The following GAPVD1 variants were observed in gnomAD, a reference collection of about 807,000 sequenced individuals.
The protein encoded by GAPVD1 is GTPase-activating protein and VPS9 domain-containing protein 1.
Under a neutral mutation model 155.5 loss-of-function variants are expected in GAPVD1, and 35 were observed. The observed-to-expected ratio is 0.23, with a 90% CI of 0.17 to 0.30. The LOEUF (loss-of-function observed/expected upper bound fraction) is 0.30. Among genes scored for constraint, GAPVD1 ranks in the 10% least tolerant of loss-of-function variants. GAPVD1 has a pLI of 1.00. For missense variants in GAPVD1, 1,429 were observed against 1,775.7 expected (o/e 0.80, Z 3.51); for synonymous variants, 636 against 619.7 (o/e 1.03, Z -0.39).
chr9:125,279,798 A>T (rs1454456376), intron 2 of GAPVD1, among the ~76,000 whole-genome samples: 2 of 147,746 alleles, frequency 1.4e-5, no homozygotes, highest in Non-Finnish European at 3.0e-5. Flanking sequence ...TCTTGGTGCG[A>T]TGTTCAGGCT....
chr9:125,339,910 A>G (rs1847593607), intron 17 of GAPVD1, among the ~76,000 whole-genome samples: 1 of 152,184 alleles, frequency 6.6e-6, no homozygotes, highest in African/African-American at 2.4e-5. Context: ...TAGGGTTCTG[A>G]TAATTCTTTA....
Position 125,332,512 on chromosome 9 carries a change from A to C in GAPVD1, c.2311A>C (p.Ile771Leu), listed in dbSNP as rs763582207. ...TTTTTTACTATTGTTTTTTAAAGGC[A>C]TAAGTGCAACCTCTGAGGATATTCC... ...STPGLSVVSG[I>L]SATSEDIPNK... The change falls in exon 15 of 28, where the codon ATA becomes CTA. Residue 771 changes from isoleucine (I) to leucine (L), a missense_variant and splice_region_variant. By Grantham distance (5) the Ile-to-Leu change is conservative (BLOSUM62 2). This residue lies in a region of GAPVD1 where 699 missense variants were observed against 826.0 expected (regional missense o/e 0.85). Transcript: ENST00000297933. 2 of 1,589,950 alleles carry C rather than the reference A, an allele frequency of 1.3e-6. No homozygotes were observed. The highest frequency in any genetic ancestry group is 1.7e-6 in the Non-Finnish European group (2 of 1,168,420).
chr9:125,317,179 G>A (rs59976483), intron 9 of GAPVD1, among the ~76,000 whole-genome samples: 3,271 of 151,710 alleles, frequency 0.022, 121 homozygotes, highest in African/African-American at 0.075. Flanking sequence ...TTAGCCAGGC[G>A]TGGTGGTGTG....
chr9:125,348,172 C>T (rs1589088175), intron 20 of GAPVD1, among the ~76,000 whole-genome samples: 1 of 152,276 alleles, frequency 6.6e-6, no homozygotes, highest in East Asian at 1.9e-4. Flanking sequence ...CCTCCCATCT[C>T]AGCTTCCTGA....
Position 125,362,788 on chromosome 9 carries a change from C to G in GAPVD1, c.*42C>G, listed in dbSNP as rs1301655251. The stretch of plus-strand genomic sequence containing the variant: ...CCAAGGCAGCAGACTGTTAATCAGA[C>G]AAACAGATCTCTGAGAAGGTGCATC... On this transcript the variant is annotated 3_prime_UTR_variant, in exon 28 of 28. Transcript: ENST00000297933. The G allele has an allele frequency of 4.4e-6, 7 of 1,587,978 alleles. No individual in the cohort carries two copies. In the South Asian group the frequency reaches 8.0e-5, roughly 18 times the overall value.
chr9:125,293,593 G>A (rs1451676131), intron 2 of GAPVD1, among the ~76,000 whole-genome samples: 2 of 57,080 alleles, frequency 3.5e-5, no homozygotes, highest in African/African-American at 1.5e-4. Flanking sequence ...GGGATGACAG[G>A]CAGCTGCCAC....
At chr9:125,317,580 G>A (rs1486857372) in intron 9 of GAPVD1, among the ~76,000 whole-genome samples, 1 of 147,818 alleles carries the variant, frequency 6.8e-6, no homozygotes, top group Non-Finnish European at 1.5e-5. Flanking sequence ...AGCTGAGATT[G>A]TGCTGTTGTA....
intron 17 of GAPVD1, among the ~76,000 whole-genome samples, chr9:125,338,731 G>A (rs1847382718): frequency 6.6e-6 from 1 of 152,122 alleles, no homozygotes; most frequent in South Asian, 2.1e-4. Context: ...CATTTCTACA[G>A]TGTTCATTTG....
At chr9:125,285,217 A>G (rs1588644018) in intron 2 of GAPVD1, among the ~76,000 whole-genome samples, 1 of 152,294 alleles carries the variant, frequency 6.6e-6, no homozygotes, top group East Asian at 1.9e-4. Context: ...CTTCATTCCA[A>G]TACAACTTTT....
chr9:125,338,748 T>C (rs1032580713), intron 17 of GAPVD1, among the ~76,000 whole-genome samples: 1 of 152,218 alleles, frequency 6.6e-6, no homozygotes, highest in African/African-American at 2.4e-5. Context: ...TTTGGATAAT[T>C]TGAGGAAATG....
intron 9 of GAPVD1, among the ~76,000 whole-genome samples, 193 bp from the exon 10 acceptor site, chr9:125,321,240 G>A (rs1292060818): frequency 6.6e-6 from 1 of 152,160 alleles, no homozygotes; most frequent in Non-Finnish European, 1.5e-5. Flanking sequence ...TAATGGAAAG[G>A]CATGGCTTCA....
chr9:125,347,579 T>A (rs1029437361), intron 20 of GAPVD1, among the ~76,000 whole-genome samples: 10 of 151,886 alleles, frequency 6.6e-5, no homozygotes, highest in Non-Finnish European at 5.9e-5. Context: ...TACAAAAAAT[T>A]AGCTGCAAGT....
intron 19 of GAPVD1, 145 bp from the exon 20 acceptor site, chr9:125,346,674 A>G (rs143815750): frequency 1.2e-3 from 849 of 730,094 alleles, no homozygotes; most frequent in Non-Finnish European, 1.7e-3. Flanking sequence ...AGGCAGCTGC[A>G]TGGTGCCTCT....
At chr9:125,342,195 C>T (rs770362732) in intron 18 of GAPVD1, 24 bp from the exon 19 acceptor site, 13 of 1,175,726 alleles carry the variant, frequency 1.1e-5, no homozygotes, top group Non-Finnish European at 1.5e-5. Context: ...ATATGTCACA[C>T]TACTGACTTT....
chr9:125,307,531 G>A lies in GAPVD1; in HGVS notation c.1235G>A (p.Ser412Asn). Reference protein sequence around the residue: ...LSRTVVYITYSQLITLVNFMK... With the variant: ...LSRTVVYITYNQLITLVNFMK... The stretch of plus-strand genomic sequence containing the variant: ...AGAACTGTGGTTTATATAACCTACA[G>A]TCAGCTTATTACTCTGGTAATGGCT... Residue 412 changes from serine (S) to asparagine (N), a missense_variant, in exon 7 of 28, where the codon AGT (serine) becomes AAT (asparagine). Physicochemically the swap from Ser to Asn is conservative, Grantham distance 46. This residue lies in a region of GAPVD1 where 628 missense variants were observed against 733.4 expected (regional missense o/e 0.86). Transcript: ENST00000297933. 3 of 1,611,486 alleles carry A rather than the reference G, an allele frequency of 1.9e-6. No homozygotes were observed. Among genetic ancestry groups the A allele is most frequent in the Non-Finnish European group, 2.5e-6 (3 of 1,178,632 alleles).
Position 125,366,761 on chromosome 9 carries a change from G to A in GAPVD1, c.*4015G>A, listed in dbSNP as rs1851489492. ...ATTTTAGAATGTAGGTTAGAAAGTA[G>A]TAGGACAAGGAATAGCTTTATTACT... On this transcript the variant is annotated 3_prime_UTR_variant, in exon 28 of 28. Transcript: ENST00000297933. 1 of 152,212 alleles carries A rather than the reference G, an allele frequency of 6.6e-6. No homozygotes were observed. Among genetic ancestry groups the A allele is most frequent in the Non-Finnish European group, 1.5e-5 (1 of 68,038 alleles). The allele number at this position is 152,212 out of a possible 1,614,324, so 9.4% of individuals were successfully genotyped here.
At chr9:125,342,704 AT>A (rs1847986567) in intron 19 of GAPVD1, among the ~76,000 whole-genome samples, 2 of 152,218 alleles carry the variant, frequency 1.3e-5, no homozygotes, top group South Asian at 2.1e-4. Flanking sequence ...AGAATTCTAC[AT>A]TTATTTTCAT....
chr9:125,353,408 C>T (rs983930681), intron 23 of GAPVD1, among the ~76,000 whole-genome samples: 15 of 152,304 alleles, frequency 9.8e-5, no homozygotes, highest in East Asian at 1.9e-4. Context: ...TCCATACTTT[C>T]CCACATTTTC....
At chr9:125,326,236 G>A (rs149963688) in intron 11 of GAPVD1, among the ~76,000 whole-genome samples, 180 bp from the exon 12 acceptor site, 310 of 152,324 alleles carry the variant, frequency 2.0e-3, no homozygotes, top group Admixed American at 5.2e-3. Context: ...TGAATTGATA[G>A]GCCAGGCACA....
Sources: gnomAD v4.1 joint callset for allele counts (sites outside exome capture counted in the v4.1 genomes callset) on GRCh38, gnomAD v4.1.1 for gene constraint, gnomAD v4.1.1 regional missense constraint, MANE v1.5 for transcripts, NCBI Gene and HGNC (gene_info 2026-07-23, HGNC 2026-07-21) for gene names.